Variants in CSMD3 observed in about 807,000 individuals in gnomAD.
CSMD3 encodes CUB and sushi domain-containing protein 3.
In CSMD3, 177 loss-of-function variants were observed where a neutral mutation model predicts 435.2. That is an observed-to-expected ratio of 0.41 (90% CI 0.36 to 0.46). CSMD3 has a LOEUF of 0.46. CSMD3 is among the 20% of genes least tolerant of loss of function. The pLI, the probability that CSMD3 is intolerant of heterozygous loss-of-function variation, is 0.34. For synonymous variants in CSMD3, 1,656 were observed against 1,520.5 expected (o/e 1.09, Z -2.07); for missense variants, 4,265 against 4,504.6 (o/e 0.95, Z 1.52).
intron 4 of CSMD3, among the ~76,000 whole-genome samples, chr8:113,113,840 G>T (rs1422052869): frequency 6.6e-6 from 1 of 152,068 alleles, no homozygotes; most frequent in African/African-American, 2.4e-5. Context: ...CACAATTTTT[G>T]GAAAAGATAA....
intron 10 of CSMD3, among the ~76,000 whole-genome samples, chr8:112,888,371 G>A (rs2081672397): frequency 6.6e-6 from 1 of 151,652 alleles, no homozygotes; most frequent in Admixed American, 6.6e-5. Context: ...AGCCAATGGA[G>A]TGCTAGGAGG....
intron 5 of CSMD3, among the ~76,000 whole-genome samples, chr8:113,062,186 T>A (rs2088645058): frequency 1.3e-5 from 2 of 151,972 alleles, no homozygotes; most frequent in South Asian, 2.1e-4. Context: ...GCATTCAAAT[T>A]GGTTTTTGTA....
intron 5 of CSMD3, among the ~76,000 whole-genome samples, chr8:113,091,197 T>C (rs1361689443): frequency 6.6e-6 from 1 of 152,124 alleles, no homozygotes; most frequent in Non-Finnish European, 1.5e-5. Flanking sequence ...AGAGGAACTT[T>C]GGAGTTTAGT....
chr8:112,802,946 G>A (rs1296346016), intron 12 of CSMD3, among the ~76,000 whole-genome samples: 1 of 151,910 alleles, frequency 6.6e-6, no homozygotes, highest in Non-Finnish European at 1.5e-5. Flanking sequence ...GGAAAAATAG[G>A]GGAAGCCAAG....
chr8:112,525,820 AT>A (rs1203648311), intron 27 of CSMD3, among the ~76,000 whole-genome samples: 81 of 117,076 alleles, frequency 6.9e-4, no homozygotes, highest in African/African-American at 2.6e-3. Flanking sequence ...ACACACACAT[AT>A]AAAAAATATA....
In CSMD3 at chr8:112,560,140, C is replaced by G. The variant is rs147621549; in HGVS notation, c.4043-3186G>C. On this transcript the variant is annotated intron_variant, in intron 24 of 70. Transcript: ENST00000297405. ...GATTGTCACAACATACATAAAGTCA[C>G]AAGAACTTGTATAGTTCTAAGTACT... 9.2e-4 allele frequency among the ~76,000 whole-genome samples: 139 copies of G among 151,838 alleles called. 2 individuals carry two copies. The East Asian group carries it at 0.024, about 27-fold the overall frequency.
At chr8:112,754,254 C>G (rs1396174616) in intron 13 of CSMD3, among the ~76,000 whole-genome samples, 1 of 152,130 alleles carries the variant, frequency 6.6e-6, no homozygotes, top group Admixed American at 6.5e-5. Flanking sequence ...GTAATCAACT[C>G]TGGTCTCCCT....
intron 22 of CSMD3, among the ~76,000 whole-genome samples, chr8:112,599,561 C>T (rs1198770570): frequency 6.6e-6 from 1 of 151,966 alleles, no homozygotes; most frequent in Non-Finnish European, 1.5e-5. Flanking sequence ...TATAAAGACA[C>T]ATGCACACGT....
At chr8:113,354,412 G>C (rs780459841) in intron 1 of CSMD3, among the ~76,000 whole-genome samples, 1 of 152,054 alleles carries the variant, frequency 6.6e-6, no homozygotes, top group African/African-American at 2.4e-5. Flanking sequence ...AACGTTTGAG[G>C]TATATAAAAG....
chr8:112,782,229 T>C (rs2078407793), intron 13 of CSMD3, among the ~76,000 whole-genome samples: 1 of 151,550 alleles, frequency 6.6e-6, no homozygotes, highest in African/African-American at 2.4e-5. Context: ...AAAAAAAAAT[T>C]AACACATAGA....
chr8:112,687,190 A>G (rs912158436), intron 14 of CSMD3, among the ~76,000 whole-genome samples: 1 of 152,016 alleles, frequency 6.6e-6, no homozygotes, highest in African/African-American at 2.4e-5. Context: ...CAGAGAATAC[A>G]ACACCCGTAA....
Position 113,426,176 on chromosome 8 carries a change from G to T in CSMD3, c.178+10501C>A, listed in dbSNP as rs1418627305. ...AACACAGAGTTCAATATTAGAAAAT[G>T]CAGGTAGCTCAGCATAAATTCATTA... On this transcript the variant is annotated intron_variant, in intron 1 of 70. Coordinates refer to ENST00000297405, the MANE Select transcript of CSMD3 (RefSeq NM_198123.2). Among the ~76,000 whole-genome samples the T allele has an allele frequency of 1.3e-5, 2 of 151,362 alleles. 1 individual carries two copies. The highest frequency in any genetic ancestry group is 3.0e-5 in the Non-Finnish European group (2 of 67,440).
chr8:112,334,980 C>T (rs1045794608), intron 45 of CSMD3, among the ~76,000 whole-genome samples: 13 of 152,126 alleles, frequency 8.5e-5, no homozygotes, highest in African/African-American at 2.9e-4. Flanking sequence ...ATAGATTAAA[C>T]ATTTTGTATA....
rs2131353607 is a variant in CSMD3 at position 112,587,156 on chromosome 8, A to T, written c.3795T>A (p.His1265Gln). The change falls in exon 23 of 71, where the codon CAT (histidine) becomes CAA (glutamine). Residue 1265 changes from histidine (H) to glutamine (Q), a missense_variant. Physicochemically the swap from His to Gln is conservative, Grantham distance 24. This residue lies in a region of CSMD3 where 3,255 missense variants were observed against 3,380.2 expected (regional missense o/e 0.96). Transcript: ENST00000297405. ...PNYPLNYENN[H>Q]ECIYSIQVQA... is the part of the protein sequence containing the mutation. The stretch of plus-strand genomic sequence containing the variant: ...GAACCTGAATACTATAAATGCATTC[A>T]TGGTTGTTTTCATAGTTGAGTGGAT... 6.2e-7 allele frequency: 1 copy of T among 1,609,772 alleles called. No individual in the cohort carries two copies. The highest frequency in any genetic ancestry group is 8.5e-7 in the Non-Finnish European group (1 of 1,176,734).
chr8:112,585,554 T>A (rs1830661388), intron 23 of CSMD3, among the ~76,000 whole-genome samples: 2 of 151,664 alleles, frequency 1.3e-5, no homozygotes, highest in Admixed American at 1.3e-4. Flanking sequence ...TTTAGAAAGT[T>A]TTATTTTATT....
intron 4 of CSMD3, among the ~76,000 whole-genome samples, chr8:113,160,124 C>CAA (rs1223889942): frequency 9.9e-5 from 15 of 151,696 alleles, no homozygotes; most frequent in Admixed American, 3.3e-4. Context: ...TTTATAGAAA[C>CAA]AAGAGTTTTT....
rs1420616216 is a variant in CSMD3, at chr8:113,190,547, T to C, written c.515-16631A>G. On this transcript the variant is annotated intron_variant, in intron 3 of 70. Coordinates refer to ENST00000297405, the MANE Select transcript of CSMD3 (RefSeq NM_198123.2). ...GAATGCCAAAACAAAGCCAGAGGGT[T>C]AGACTTTGAAGCCATTGTAAGTATC... 3.3e-5 allele frequency among the ~76,000 whole-genome samples: 5 copies of C among 151,786 alleles called. No homozygotes were observed. The Admixed American group carries it at 3.3e-4, about 10-fold the overall frequency.
In CSMD3 at chr8:112,224,783, G is replaced by A. The variant is rs1812418666; in HGVS notation, c.11112C>T (p.Cys3704=). The A allele has an allele frequency of 6.2e-7, 1 of 1,613,860 alleles. No homozygotes were observed. Among genetic ancestry groups the A allele is most frequent in the South Asian group, 1.1e-5 (1 of 91,090 alleles). ...AAAGGTTGCCTCGTTATACCATTGT[G>A]CAAACCGTGTTCAAGTTGGGATCAA... ...VRFDPNLNTV[C]TMV Residue 3704 remains cysteine (C), a synonymous_variant, in exon 71 of 71, where the codon TGC becomes TGT. Transcript: ENST00000297405.
At chr8:112,604,513 A>T (rs1394937097) in intron 22 of CSMD3, among the ~76,000 whole-genome samples, 2 of 152,180 alleles carry the variant, frequency 1.3e-5, no homozygotes, top group East Asian at 1.9e-4. Context: ...GACAAAGCCA[A>T]CAAAAACAAG....
Sources: gnomAD v4.1 joint callset for allele counts (sites outside exome capture counted in the v4.1 genomes callset) on GRCh38, gnomAD v4.1.1 for gene constraint, gnomAD v4.1.1 regional missense constraint, MANE v1.5 for transcripts, NCBI Gene and HGNC (gene_info 2026-07-23, HGNC 2026-07-21) for gene names.